The following FRMPD1 variants were observed in gnomAD, a reference collection of about 807,000 sequenced individuals.
FRMPD1 encodes the protein FERM and PDZ domain containing 1, also known as FERM and PDZ domain-containing protein 1.
A neutral mutation model predicts 117.8 loss-of-function variants in FRMPD1; 76 were observed. The ratio of observed to expected loss-of-function variants is 0.65; its 90% confidence interval spans 0.54 to 0.78. The LOEUF is 0.78. Among genes scored for constraint, FRMPD1 ranks in the 30% least tolerant of loss-of-function variants. The probability of loss-of-function intolerance (pLI) is 0.00; values close to 1 mark genes in which losing one functional copy is unlikely to be tolerated. For synonymous variants in FRMPD1, 783 were observed against 770.4 expected, an observed-to-expected ratio of 1.02 and a Z score of -0.27; for missense variants, 1,786 against 1,964.5, an observed-to-expected ratio of 0.91 and a Z score of 1.72.
chr9:37,648,979 A>G (rs1429513610), upstream of FRMPD1, among the ~76,000 whole-genome samples: 4 of 152,068 alleles, frequency 2.6e-5, no homozygotes, highest in Non-Finnish European at 5.9e-5. Context: ...GCAATGGTAA[A>G]GGAGGCTGAG....
the FRMPD1 span, among the ~76,000 whole-genome samples, chr9:37,644,913 G>A: frequency 2.0e-5 from 3 of 152,088 alleles, no homozygotes; most frequent in South Asian, 2.1e-4. Context: ...ATCTGCCCCC[G>A]GGGGCTGTGG....
Position 37,735,753 on chromosome 9 carries a change from A to G in FRMPD1, c.1401+19A>G. ...CGTCAAGGTAACACAATGGGGAGAGATTCTGAATTCAACTGCTGGAATTTG... is the reference window on the plus strand; with the variant it reads ...CGTCAAGGTAACACAATGGGGAGAGGTTCTGAATTCAACTGCTGGAATTTG... On this transcript the variant is annotated intron_variant, in intron 13 of 15. Transcript: ENST00000377765. 6.3e-7 allele frequency: 1 copy of G among 1,585,974 alleles called. No individual in the cohort carries two copies. Among genetic ancestry groups the G allele is most frequent in the Non-Finnish European group, 8.6e-7 (1 of 1,157,214 alleles).
At chr9:37,665,551 T>C (rs1481304433) in intron 1 of FRMPD1, among the ~76,000 whole-genome samples, 1 of 152,228 alleles carries the variant, frequency 6.6e-6, no homozygotes, top group African/African-American at 2.4e-5. Context: ...TTTTTTCCCC[T>C]TGAACTTCTG....
Position 37,746,210 on chromosome 9 carries a change from T to G in FRMPD1, c.4178T>G (p.Leu1393Arg). 6.2e-7 allele frequency: 1 copy of G among 1,613,262 alleles called. No individual in the cohort carries two copies. Among genetic ancestry groups the G allele is most frequent in the South Asian group, 1.1e-5 (1 of 91,076 alleles). Reference sequence around the variant, plus strand: ...GCCCACAGCTGCACCACCGCACCCCTGTCGAGGAAAAGCCACATCTGGCCA... The same window carrying G: ...GCCCACAGCTGCACCACCGCACCCCGGTCGAGGAAAAGCCACATCTGGCCA... ...ARAHSCTTAP[L>R]SRKSHIWPEY... Residue 1393 changes from leucine (L) to arginine (R), a missense_variant, in exon 16 of 16, where the codon CTG becomes CGG. By Grantham distance (102) the Leu-to-Arg change is moderately radical. Transcript: ENST00000377765.
intron 7 of FRMPD1, among the ~76,000 whole-genome samples, chr9:37,726,344 A>G (rs1299866190): frequency 6.6e-6 from 1 of 152,240 alleles, no homozygotes; most frequent in Non-Finnish European, 1.5e-5. Context: ...TTGACCCAGT[A>G]AACATTTATT....
In FRMPD1 at chr9:37,745,973, C is replaced by T. The variant is rs777776774; in HGVS notation, c.3941C>T (p.Thr1314Ile). The change falls in exon 16 of 16, where the codon ACA becomes ATA. Residue 1314 changes from threonine (T) to isoleucine (I), a missense_variant. Coordinates refer to ENST00000377765, the MANE Select transcript of FRMPD1 (RefSeq NM_014907.3). ...GTCTCTGCCAGTCTCAGGGTGGCCA[C>T]ATCTTTGGGTTTTGCAGGCATGAAT... is the stretch of plus-strand genomic sequence containing the variant. Reference protein sequence around the residue: ...PEVSASLRVATSLGFAGMNEM... With the variant: ...PEVSASLRVAISLGFAGMNEM... 36 of 1,614,224 alleles carry T rather than the reference C, an allele frequency of 2.2e-5. No individual in the cohort carries two copies. Among genetic ancestry groups the T allele is most frequent in the Non-Finnish European group, 3.1e-5 (36 of 1,180,022 alleles).
At chr9:37,693,887 T>C (rs1005707487) in intron 2 of FRMPD1, among the ~76,000 whole-genome samples, 3 of 152,180 alleles carry the variant, frequency 2.0e-5, no homozygotes, top group Non-Finnish European at 4.4e-5. Flanking sequence ...TGCTGGGTCT[T>C]CCATGAAGCC....
At chr9:37,743,897 A>AAAAAAAG (rs1824546897) in intron 15 of FRMPD1, among the ~76,000 whole-genome samples, 1 of 143,626 alleles carries the variant, frequency 7.0e-6, no homozygotes, top group Non-Finnish European at 1.5e-5. Context: ...CCTGTCTCAA[A>AAAAAAAG]AAAAAAGAAA....
Position 37,741,216 on chromosome 9 carries a change from G to A in FRMPD1, c.2356+332G>A, listed in dbSNP as rs372957697. ...AGGAAAGGGCTTGACAGGAGTGCCCGGCAGAGCGAAGTGGCTATGTCATCA... is the reference window on the plus strand; with the variant it reads ...AGGAAAGGGCTTGACAGGAGTGCCCAGCAGAGCGAAGTGGCTATGTCATCA... On this transcript the variant is annotated intron_variant, in intron 15 of 15. Transcript: ENST00000377765. 3.9e-5 allele frequency among the ~76,000 whole-genome samples: 6 copies of A among 152,022 alleles called. No homozygotes were observed. The East Asian group carries it at 5.8e-4, about 15-fold the overall frequency.
intron 1 of FRMPD1, among the ~76,000 whole-genome samples, chr9:37,689,956 T>C (rs898196016): frequency 1.3e-5 from 2 of 152,174 alleles, no homozygotes; most frequent in Non-Finnish European, 2.9e-5. Flanking sequence ...GTTTCTAGTT[T>C]CTGAAATTTT....
intron 5 of FRMPD1, among the ~76,000 whole-genome samples, chr9:37,714,347 T>C (rs998576975): frequency 1.3e-5 from 2 of 152,132 alleles, no homozygotes; most frequent in Admixed American, 1.3e-4. Context: ...GGCAACAGCA[T>C]AGAGCTGAAT....
chr9:37,745,889 G>A lies in FRMPD1; in HGVS notation c.3857G>A (p.Ser1286Asn). ...LLSEGKSDSS[S>N]ICLSAEKSFL... ...TCAGAAGGCAAAAGTGACAGCTCTA[G>A]CATCTGCCTTTCTGCTGAGAAGTCT... Residue 1286 changes from serine (S) to asparagine (N), a missense_variant, in exon 16 of 16, where the codon AGC (serine) becomes AAC (asparagine). Physicochemically the swap from Ser to Asn is conservative, Grantham distance 46 (BLOSUM62 1). Coordinates refer to ENST00000377765, the MANE Select transcript of FRMPD1 (RefSeq NM_014907.3). 2 of 1,614,218 alleles carry A rather than the reference G, an allele frequency of 1.2e-6. No homozygotes were observed. Among genetic ancestry groups the A allele is most frequent in the Non-Finnish European group, 1.7e-6 (2 of 1,180,044 alleles).
chr9:37,631,990 C>G, the FRMPD1 span, among the ~76,000 whole-genome samples: 27 of 152,030 alleles, frequency 1.8e-4, no homozygotes, highest in Admixed American at 1.2e-3. Context: ...AATACATGTT[C>G]ATTACAATAC....
chr9:37,745,887 TAG>T lies in FRMPD1; in HGVS notation c.3856_3857del (p.Ser1286HisfsTer6), dbSNP rs750082732. ...LLSEGKSDSS[S>X]ICLSAEKSFL... is the part of the protein sequence containing the mutation. Reference sequence around the variant, plus strand: ...TCTCAGAAGGCAAAAGTGACAGCTCTAGCATCTGCCTTTCTGCTGAGAAGTCT... The same window carrying T: ...TCTCAGAAGGCAAAAGTGACAGCTCTCATCTGCCTTTCTGCTGAGAAGTCT... On this transcript the variant is annotated frameshift_variant, in exon 16 of 16. Transcript: ENST00000377765. LOFTEE classifies it high-confidence loss of function. 2 of 1,614,234 alleles carry T rather than the reference TAG, an allele frequency of 1.2e-6. No individual in the cohort carries two copies. Among genetic ancestry groups the T allele is most frequent in the Non-Finnish European group, 1.7e-6 (2 of 1,180,030 alleles).
At chr9:37,655,363 A>T (rs1307196024) in intron 1 of FRMPD1, among the ~76,000 whole-genome samples, 3 of 151,938 alleles carry the variant, frequency 2.0e-5, no homozygotes, top group African/African-American at 7.3e-5. Flanking sequence ...TGATCTCATC[A>T]TGCTCCTCCT....
At position 37,744,520 on chromosome 9, in the gene FRMPD1, A is replaced by T; in HGVS notation, c.2488A>T (p.Lys830Ter). Residue 830 changes from lysine to a stop codon, truncating the protein, a stop_gained, in exon 16 of 16, where the codon AAA becomes TAA. Transcript: ENST00000377765. LOFTEE classifies it low-confidence loss of function (END_TRUNC). ...GCCAAGCAGGAGGGGAGGGGTGAAG[A>T]AATATGCCAAGACCCTGAGGAAAAG... The part of the protein sequence containing the change: ...RQPSRRGGVK[K>*]YAKTLRKRRS... 1 of 1,614,122 alleles carries T rather than the reference A, an allele frequency of 6.2e-7. No individual in the cohort carries two copies. Among genetic ancestry groups the T allele is most frequent in the Non-Finnish European group, 8.5e-7 (1 of 1,180,018 alleles).
At position 37,744,674 on chromosome 9, in the gene FRMPD1, C is replaced by G. The variant is rs759507485; in HGVS notation, c.2642C>G (p.Ser881Cys). 6.2e-7 allele frequency: 1 copy of G among 1,614,052 alleles called. No individual in the cohort carries two copies. Among genetic ancestry groups the G allele is most frequent in the South Asian group, 1.1e-5 (1 of 91,076 alleles). ...CCCTACCTGGCCCTTGGTGCACCCT[C>G]CCCAACTGTGTCCTCTCTGCAGGAC... ...REPYLALGAP[S>C]PTVSSLQDMQ... The change falls in exon 16 of 16, where the codon TCC (serine) becomes TGC (cysteine). Residue 881 changes from serine to cysteine, a missense_variant. Transcript: ENST00000377765.
chr9:37,645,617 G>C, the FRMPD1 span, among the ~76,000 whole-genome samples: 1 of 152,174 alleles, frequency 6.6e-6, no homozygotes, highest in Admixed American at 6.5e-5. Flanking sequence ...CCAGTACACA[G>C]ATAATGAACT....
At chr9:37,620,707 G>A in the FRMPD1 span, among the ~76,000 whole-genome samples, 1 of 152,002 alleles carries the variant, frequency 6.6e-6, no homozygotes, top group East Asian at 1.9e-4. Context: ...GCTATAGAAA[G>A]TATAGCACAG....
Sources: allele counts gnomAD v4.1 joint callset (sites outside exome capture counted in the v4.1 genomes callset), GRCh38; gene constraint gnomAD v4.1.1; transcripts MANE v1.5; gene names NCBI Gene and HGNC (gene_info 2026-07-23, HGNC 2026-07-21).